Variants in LRMDA observed in about 807,000 individuals in gnomAD.
The protein encoded by LRMDA is leucine rich melanocyte differentiation associated, also known as leucine-rich melanocyte differentiation-associated protein.
Under a neutral mutation model 29.8 loss-of-function variants are expected in LRMDA, and 18 were observed. That is an observed-to-expected ratio of 0.60 (90% CI 0.42 to 0.90). The LOEUF is 0.90. Among genes scored for constraint, LRMDA ranks in the 40% least tolerant of loss-of-function variants. LRMDA has a pLI of 0.00. For synonymous variants in LRMDA, 125 were observed against 109.4 expected (o/e 1.14, Z -0.89); for missense variants, 273 against 273.9 (o/e 1.00, Z 0.02).
At position 75,577,506 on chromosome 10, in the gene LRMDA, C is replaced by T. The variant is rs1213257391; in HGVS notation, c.131+139012C>T. The stretch of plus-strand genomic sequence containing the variant: ...GGAGAACTTCTCCAACCTAGTAAGG[C>T]AGGCCAACATTCAATTCGGAAATAC... On this transcript the variant is annotated intron_variant, in intron 2 of 6. Transcript: ENST00000611255. Among the ~76,000 whole-genome samples the T allele has an allele frequency of 2.0e-5, 3 of 152,202 alleles. No individual in the cohort carries two copies. The East Asian group carries it at 5.8e-4, about 29-fold the overall frequency.
intron 5 of LRMDA, among the ~76,000 whole-genome samples, chr10:76,147,384 C>A (rs1160426818): frequency 6.6e-6 from 1 of 152,148 alleles, no homozygotes; most frequent in African/African-American, 2.4e-5. Context: ...TTGTTCATTT[C>A]TTTTTATTCT....
intron 6 of LRMDA, among the ~76,000 whole-genome samples, chr10:76,368,238 G>C (rs1414451448): frequency 6.6e-6 from 1 of 152,104 alleles, no homozygotes; most frequent in Non-Finnish European, 1.5e-5. Flanking sequence ...GGCGTTTAGG[G>C]CTGTGAACTT....
At chr10:75,729,811 T>C (rs1842673769) in intron 2 of LRMDA, among the ~76,000 whole-genome samples, 1 of 152,178 alleles carries the variant, frequency 6.6e-6, no homozygotes, top group African/African-American at 2.4e-5. Flanking sequence ...TATTGTTGTT[T>C]AAAGAGACAG....
At chr10:75,971,941 G>C (rs570190769) in intron 2 of LRMDA, among the ~76,000 whole-genome samples, 75 of 152,202 alleles carry the variant, frequency 4.9e-4, no homozygotes, top group African/African-American at 1.7e-3. Flanking sequence ...TCTGGAGAGT[G>C]GTTTGTTTTT....
chr10:76,409,325 C>T (rs1010198190), intron 6 of LRMDA, among the ~76,000 whole-genome samples: 1 of 152,134 alleles, frequency 6.6e-6, no homozygotes, highest in Admixed American at 6.5e-5. Flanking sequence ...GAATGCTAAG[C>T]TTGTGGGAGT....
chr10:76,106,970 A>T (rs1849496694), intron 5 of LRMDA, among the ~76,000 whole-genome samples: 1 of 152,186 alleles, frequency 6.6e-6, no homozygotes, highest in African/African-American at 2.4e-5. Context: ...TCATTCTAAA[A>T]TATTCCCCCT....
intron 2 of LRMDA, among the ~76,000 whole-genome samples, chr10:75,982,484 T>TCCC (rs752624038): frequency 2.0e-5 from 3 of 152,110 alleles, no homozygotes; most frequent in Admixed American, 6.5e-5. Context: ...TTGTGTGGAT[T>TCCC]CCCCCTGTTA....
intron 2 of LRMDA, among the ~76,000 whole-genome samples, chr10:75,683,359 A>T (rs1379125765): frequency 6.6e-6 from 1 of 152,172 alleles, no homozygotes; most frequent in Non-Finnish European, 1.5e-5. Context: ...TGTTAATATC[A>T]CATCTTGCAG....
intron 5 of LRMDA, among the ~76,000 whole-genome samples, chr10:76,148,780 T>C (rs1440517599): frequency 2.0e-5 from 3 of 152,182 alleles, no homozygotes; most frequent in African/African-American, 7.2e-5. Flanking sequence ...TCTTCTGTGT[T>C]GCTCACGCTC....
intron 2 of LRMDA, among the ~76,000 whole-genome samples, chr10:75,512,963 T>C (rs191758016): frequency 1.3e-5 from 2 of 152,284 alleles, no homozygotes; most frequent in Admixed American, 6.5e-5. Context: ...ATCTTTACCA[T>C]ATCAGTTGTT....
At chr10:76,039,466 T>C (rs1400592747) in intron 3 of LRMDA, among the ~76,000 whole-genome samples, 1 of 152,252 alleles carries the variant, frequency 6.6e-6, no homozygotes, top group Admixed American at 6.5e-5. Context: ...TTTTGGCATA[T>C]GTAAAATGGT....
chr10:76,341,696 T>G (rs553151909), intron 6 of LRMDA, among the ~76,000 whole-genome samples: 5 of 152,124 alleles, frequency 3.3e-5, no homozygotes, highest in Non-Finnish European at 7.4e-5. Context: ...ATCAGAAGAT[T>G]CATATGTTCA....
At chr10:75,982,324 A>G (rs1261309576) in intron 2 of LRMDA, among the ~76,000 whole-genome samples, 1 of 152,174 alleles carries the variant, frequency 6.6e-6, no homozygotes, top group Non-Finnish European at 1.5e-5. Flanking sequence ...TCCCCCTTAC[A>G]TTCCCTCTCA....
intron 2 of LRMDA, among the ~76,000 whole-genome samples, chr10:75,861,474 C>T (rs1012618315): frequency 9.2e-5 from 14 of 152,130 alleles, no homozygotes; most frequent in Admixed American, 5.9e-4. Flanking sequence ...CTGCAGTATT[C>T]CTTGTGTTAT....
chr10:76,178,703 C>G (rs1242800904), intron 5 of LRMDA, among the ~76,000 whole-genome samples: 10 of 152,180 alleles, frequency 6.6e-5, no homozygotes, highest in Non-Finnish European at 1.5e-4. Context: ...TCTAGACCAT[C>G]AGAAGAACAA....
intron 2 of LRMDA, among the ~76,000 whole-genome samples, chr10:75,806,308 C>G (rs1843850580): frequency 6.6e-6 from 1 of 152,214 alleles, no homozygotes; most frequent in African/African-American, 2.4e-5. Context: ...AGTGCTTTGT[C>G]TTCGACACTG....
intron 2 of LRMDA, among the ~76,000 whole-genome samples, chr10:75,462,376 CTT>C (rs1173131402): frequency 3.3e-5 from 5 of 152,110 alleles, no homozygotes; most frequent in African/African-American, 1.2e-4. Flanking sequence ...GGTGTAGTCT[CTT>C]TTGTTTTTTG....
intron 5 of LRMDA, among the ~76,000 whole-genome samples, chr10:76,262,278 A>C (rs531564866): frequency 2.0e-5 from 3 of 152,194 alleles, no homozygotes; most frequent in East Asian, 3.9e-4. Context: ...ATCAGGAATC[A>C]CCGGGGTTCT....
chr10:76,317,453 C>T (rs543076828), intron 5 of LRMDA, among the ~76,000 whole-genome samples: 4 of 152,162 alleles, frequency 2.6e-5, no homozygotes, highest in Admixed American at 6.5e-5. Context: ...GGCATTATTT[C>T]GTATCAGCCA....
Sources: gnomAD v4.1 joint callset for allele counts (sites outside exome capture counted in the v4.1 genomes callset) on GRCh38, gnomAD v4.1.1 for gene constraint, MANE v1.5 for transcripts, NCBI Gene and HGNC (gene_info 2026-07-23, HGNC 2026-07-21) for gene names.